The following PIK3C2G variants were observed in gnomAD, a reference collection of about 807,000 sequenced individuals.
The protein encoded by PIK3C2G is phosphatidylinositol-4-phosphate 3-kinase catalytic subunit type 2 gamma.
PIK3C2G carries 168 observed loss-of-function variants against 181.1 expected under a neutral mutation model. The observed-to-expected ratio is 0.93, with a 90% CI of 0.82 to 1.05. The LOEUF is 1.05. PIK3C2G is among the 50% of genes least tolerant of loss of function. PIK3C2G has a pLI of 0.00. For synonymous variants in PIK3C2G, 573 were observed against 592.2 expected, an observed-to-expected ratio of 0.97 and a Z score of 0.47; for missense variants, 1,869 against 1,732.8, an observed-to-expected ratio of 1.08 and a Z score of -1.40.
chr12:18,324,874 C>A (rs758906166), intron 7 of PIK3C2G, among the ~76,000 whole-genome samples, 161 bp from the exon 8 acceptor site: 2 of 152,100 alleles, frequency 1.3e-5, no homozygotes, highest in African/African-American at 4.8e-5. Context: ...TTATAAGGCA[C>A]CCTTCTGAGA....
chr12:18,322,613 T>G (rs992582693), intron 7 of PIK3C2G, among the ~76,000 whole-genome samples: 1 of 152,120 alleles, frequency 6.6e-6, no homozygotes, highest in African/African-American at 2.4e-5. Context: ...GCTAAATAAT[T>G]CACCTAAGGC....
rs188734684 is a variant in PIK3C2G, at chr12:18,401,742, C to T, written c.2315+1895C>T. Among the ~76,000 whole-genome samples the T allele has an allele frequency of 6.6e-5, 10 of 152,030 alleles. No individual in the cohort carries two copies. In the East Asian group the frequency reaches 7.7e-4, roughly 12 times the overall value. On this transcript the variant is annotated intron_variant, in intron 16 of 32. Transcript: ENST00000538779. ...TTCTCCAAAGAAAATACACAAATGCCGAACATTTACATGAAAATATGCTCA... is the reference window on the plus strand; with the variant it reads ...TTCTCCAAAGAAAATACACAAATGCTGAACATTTACATGAAAATATGCTCA...
chr12:18,700,663 T>A, the PIK3C2G span, among the ~76,000 whole-genome samples: 1 of 152,160 alleles, frequency 6.6e-6, no homozygotes, highest in African/African-American at 2.4e-5. Flanking sequence ...AGAATTGAAG[T>A]TCTGCTGACT....
chr12:18,465,603 G>A (rs1937778837), intron 18 of PIK3C2G, among the ~76,000 whole-genome samples: 2 of 151,874 alleles, frequency 1.3e-5, no homozygotes, highest in South Asian at 2.1e-4. Context: ...TTTCCTTTCA[G>A]TAATTTGGAG....
chr12:18,324,776 C>A (rs991107020), intron 7 of PIK3C2G, among the ~76,000 whole-genome samples: 1 of 152,080 alleles, frequency 6.6e-6, no homozygotes, highest in Non-Finnish European at 1.5e-5. Flanking sequence ...TAATGATCAG[C>A]CTTTGAGAGG....
the PIK3C2G span, among the ~76,000 whole-genome samples, chr12:18,670,003 T>C: frequency 1.9e-4 from 29 of 152,134 alleles, no homozygotes; most frequent in African/African-American, 6.5e-4. Flanking sequence ...AATCCTATCA[T>C]AGTGGCTCAG....
intron 5 of PIK3C2G, among the ~76,000 whole-genome samples, chr12:18,305,526 C>T (rs1489384712): frequency 1.3e-5 from 2 of 152,042 alleles, no homozygotes; most frequent in Non-Finnish European, 2.9e-5. Context: ...TACCCAAAAG[C>T]ACTGTCTATT....
intron 18 of PIK3C2G, among the ~76,000 whole-genome samples, chr12:18,469,951 T>C (rs1428946921): frequency 2.0e-5 from 3 of 151,444 alleles, no homozygotes; most frequent in Non-Finnish European, 4.4e-5. Context: ...TATGGCTTTC[T>C]GAGACTGGTA....
At chr12:18,468,386 C>T (rs1938125797) in intron 18 of PIK3C2G, among the ~76,000 whole-genome samples, 2 of 152,042 alleles carry the variant, frequency 1.3e-5, no homozygotes, top group African/African-American at 4.8e-5. Context: ...TTTAACTACT[C>T]CTGACATACT....
chr12:18,264,214 T>G (rs1298293282), intron 1 of PIK3C2G, among the ~76,000 whole-genome samples: 1 of 152,214 alleles, frequency 6.6e-6, no homozygotes, highest in African/African-American at 2.4e-5. Flanking sequence ...TTAAGTTGGA[T>G]TGCTCAACCC....
At chr12:18,429,451 A>G (rs934740363) in intron 18 of PIK3C2G, among the ~76,000 whole-genome samples, 4 of 152,172 alleles carry the variant, frequency 2.6e-5, no homozygotes, top group Non-Finnish European at 5.9e-5. Flanking sequence ...AGGATGTCAC[A>G]TCATCAGGAA....
At chr12:18,483,498 T>C (rs1939751396) in intron 18 of PIK3C2G, among the ~76,000 whole-genome samples, 1 of 152,200 alleles carries the variant, frequency 6.6e-6, no homozygotes, top group Non-Finnish European at 1.5e-5. Flanking sequence ...CAAATCATTT[T>C]TGGAATATCT....
chr12:18,258,039 A>G (rs902100261), upstream of PIK3C2G, among the ~76,000 whole-genome samples: 3 of 152,138 alleles, frequency 2.0e-5, no homozygotes, highest in African/African-American at 7.2e-5. Flanking sequence ...AGAGTAAGGC[A>G]TGTCCACTTG....
At chr12:18,396,212 C>T (rs1943883219) in intron 15 of PIK3C2G, among the ~76,000 whole-genome samples, 1 of 151,354 alleles carries the variant, frequency 6.6e-6, no homozygotes. Context: ...TTAGATTAAA[C>T]ATTTTATATA....
chr12:18,311,628 C>T (rs918461039), intron 5 of PIK3C2G, among the ~76,000 whole-genome samples: 3 of 151,724 alleles, frequency 2.0e-5, no homozygotes, highest in Non-Finnish European at 2.9e-5. Context: ...TATACACACA[C>T]GTTTAGTGTA....
intron 18 of PIK3C2G, among the ~76,000 whole-genome samples, chr12:18,486,722 T>A (rs1379819866): frequency 1.3e-5 from 2 of 152,020 alleles, no homozygotes; most frequent in Non-Finnish European, 2.9e-5. Context: ...ACATTGATAT[T>A]CAACATAGAA....
chr12:18,701,689 TAC>T, the PIK3C2G span: 1 of 1,610,370 alleles, frequency 6.2e-7, no homozygotes, highest in South Asian at 1.1e-5. Flanking sequence ...TCCTCCACCT[TAC>T]CACGCTTATC....
intron 18 of PIK3C2G, among the ~76,000 whole-genome samples, chr12:18,486,423 C>T (rs1291303345): frequency 1.3e-5 from 2 of 152,024 alleles, no homozygotes; most frequent in Non-Finnish European, 2.9e-5. Flanking sequence ...AAATACATTG[C>T]TCATGAGTGA....
chr12:18,688,170 C>T, the PIK3C2G span: 4 of 1,610,770 alleles, frequency 2.5e-6, no homozygotes, highest in Admixed American at 1.7e-5. Context: ...AATGAATCAC[C>T]TTTGTTAGAT....
Sources: allele counts gnomAD v4.1 joint callset (sites outside exome capture counted in the v4.1 genomes callset), GRCh38; gene constraint gnomAD v4.1.1; transcripts MANE v1.5; gene names NCBI Gene and HGNC (gene_info 2026-07-23, HGNC 2026-07-21).